DPF3: variants seen among roughly 807,000 people sequenced by gnomAD.
DPF3 encodes zinc finger protein DPF3.
Under a neutral mutation model 56.8 loss-of-function variants are expected in DPF3, and 18 were observed. The ratio of observed to expected loss-of-function variants is 0.32; its 90% CI spans 0.22 to 0.47. The LOEUF is 0.47. DPF3 is among the 20% of genes least tolerant of loss of function. The pLI, the probability that DPF3 is intolerant of heterozygous loss-of-function variation, is 1.00. For missense variants in DPF3, 403 were observed against 488.8 expected (o/e 0.82, Z 1.65); for synonymous variants, 188 against 180.2 (o/e 1.04, Z -0.35).
chr14:72,690,326 A>C (rs1887618748), intron 7 of DPF3, among the ~76,000 whole-genome samples: 1 of 152,164 alleles, frequency 6.6e-6, no homozygotes, highest in Non-Finnish European at 1.5e-5. Context: ...TCAGAAGTCA[A>C]CCAACCCTGA....
chr14:72,669,976 G>C (rs531319923), intron 8 of DPF3: 2 of 985,878 alleles, frequency 2.0e-6, no homozygotes, highest in East Asian at 2.3e-4. Flanking sequence ...CTCGCAGCCG[G>C]TCATTCTTGG....
intron 7 of DPF3, among the ~76,000 whole-genome samples, chr14:72,686,196 C>G (rs1402477664): frequency 6.6e-6 from 1 of 152,224 alleles, no homozygotes; most frequent in Non-Finnish European, 1.5e-5. Context: ...ATGCCAATGA[C>G]ACCCCACAGG....
At chr14:72,756,859 A>AGAAAGAAG (rs1890824687) in intron 2 of DPF3, among the ~76,000 whole-genome samples, 1 of 116,478 alleles carries the variant, frequency 8.6e-6, no homozygotes, top group Admixed American at 8.6e-5. Flanking sequence ...AAAGAAAGAA[A>AGAAAGAAG]GAAAGAAAGA....
intron 1 of DPF3, among the ~76,000 whole-genome samples, chr14:72,794,653 T>A (rs1236185668): frequency 1.3e-5 from 2 of 152,178 alleles, no homozygotes; most frequent in Non-Finnish European, 2.9e-5. Flanking sequence ...GTTGGAACTT[T>A]GGGATATTCC....
rs1181208458 is a variant in DPF3, at chr14:72,618,504, G to A, written c.*793C>T. ...TAGGCCATGACTGGTCTCACCTAAAGGATGCCCCAGCTCTGAAGGTCAAGG... is the reference window on the plus strand; with the variant it reads ...TAGGCCATGACTGGTCTCACCTAAAAGATGCCCCAGCTCTGAAGGTCAAGG... On this transcript the variant is annotated 3_prime_UTR_variant, in exon 11 of 11. Transcript: ENST00000556509. 6.6e-6 allele frequency among the ~76,000 whole-genome samples: 1 copy of A among 152,188 alleles called. No individual in the cohort carries two copies. The highest frequency in any genetic ancestry group is 1.5e-5 in the Non-Finnish European group (1 of 68,026).
chr14:72,630,543 C>G (rs1731430659), intron 8 of DPF3, among the ~76,000 whole-genome samples: 1 of 152,210 alleles, frequency 6.6e-6, no homozygotes. Flanking sequence ...GCCTGTGGAA[C>G]TGGACTCTGT....
At position 72,724,275 on chromosome 14, in the gene DPF3, G is replaced by A. The variant is rs1280797806; in HGVS notation, c.430-547C>T. 2.0e-5 allele frequency among the ~76,000 whole-genome samples: 3 copies of A among 147,748 alleles called. No individual in the cohort carries two copies. In the East Asian group the frequency reaches 5.9e-4, roughly 29 times the overall value. On this transcript the variant is annotated intron_variant, in intron 4 of 10. Transcript: ENST00000556509. Reference sequence around the variant, plus strand: ...AAAAATAGACTTTCATTTAGTACCCGACTTGTCATGGAGCTTAAAGATAAT... The same window carrying A: ...AAAAATAGACTTTCATTTAGTACCCAACTTGTCATGGAGCTTAAAGATAAT...
chr14:72,665,768 G>A (rs1886417501), intron 8 of DPF3, among the ~76,000 whole-genome samples: 1 of 152,208 alleles, frequency 6.6e-6, no homozygotes, highest in East Asian at 1.9e-4. Flanking sequence ...AAGGTCTGTA[G>A]GTTATAGCAT....
intron 1 of DPF3, among the ~76,000 whole-genome samples, chr14:72,842,420 C>G (rs1241164812): frequency 6.6e-6 from 1 of 152,222 alleles, no homozygotes; most frequent in African/African-American, 2.4e-5. Context: ...TCTACAACCA[C>G]AGCCAACGCT....
At chr14:72,619,711 A>G (rs1390974121) in intron 10 of DPF3, among the ~76,000 whole-genome samples, 192 bp downstream of exon 10, 2 of 152,172 alleles carry the variant, frequency 1.3e-5, no homozygotes, top group Non-Finnish European at 2.9e-5. Context: ...AGCTGCTTGG[A>G]CTGTGCCTCA....
rs1173136078 is a variant in DPF3 at position 72,613,776 on chromosome 14, A to C, written c.*5521T>G. 6.6e-6 allele frequency among the ~76,000 whole-genome samples: 1 copy of C among 152,164 alleles called. No homozygotes were observed. The highest frequency in any genetic ancestry group is 1.5e-5 in the Non-Finnish European group (1 of 68,024). On this transcript the variant is annotated 3_prime_UTR_variant, in exon 11 of 11. Coordinates refer to ENST00000556509, the MANE Select transcript of DPF3 (RefSeq NM_001280542.3). ...CCCCTCCTCCTCAGAGTTTCCTGAC[A>C]GCTCTTCCTTTGGGCCTCTCTTCTA...
chr14:72,653,351 C>A (rs1885971089), intron 8 of DPF3, among the ~76,000 whole-genome samples: 1 of 152,224 alleles, frequency 6.6e-6, no homozygotes, highest in Admixed American at 6.5e-5. Context: ...CCCCTGACTC[C>A]CAGTGCACAC....
chr14:72,794,387 C>A (rs1442405030), intron 1 of DPF3, among the ~76,000 whole-genome samples: 1 of 152,170 alleles, frequency 6.6e-6, no homozygotes, highest in East Asian at 1.9e-4. Flanking sequence ...TGAGCAGAAG[C>A]AGAATGCATG....
At chr14:72,797,079 G>C (rs933679781) in intron 1 of DPF3, among the ~76,000 whole-genome samples, 1 of 152,196 alleles carries the variant, frequency 6.6e-6, no homozygotes, top group Non-Finnish European at 1.5e-5. Flanking sequence ...GAATACAGTG[G>C]AAGTTAGATT....
intron 8 of DPF3, among the ~76,000 whole-genome samples, chr14:72,647,554 T>G: frequency 6.6e-6 from 1 of 152,198 alleles, no homozygotes; most frequent in East Asian, 1.9e-4. Flanking sequence ...CTTTGTAGGA[T>G]TAAAAACAAA....
At chr14:72,743,041 T>C (rs868090848) in intron 3 of DPF3, among the ~76,000 whole-genome samples, 2 of 152,300 alleles carry the variant, frequency 1.3e-5, no homozygotes, top group Middle Eastern at 3.4e-3. Flanking sequence ...CCCTCTTGTC[T>C]GAGTTTCCCC....
chr14:72,708,535 C>T (rs1599374270), intron 6 of DPF3, among the ~76,000 whole-genome samples: 1 of 152,346 alleles, frequency 6.6e-6, no homozygotes, highest in East Asian at 1.9e-4. Flanking sequence ...TTTTCCACTG[C>T]AGCTTGAAGC....
intron 8 of DPF3, among the ~76,000 whole-genome samples, chr14:72,645,447 A>G (rs1161114960): frequency 1.8e-4 from 28 of 152,026 alleles, no homozygotes; most frequent in Admixed American, 1.6e-3. Context: ...TGCCTCCCCC[A>G]GTAGCTGGGA....
At chr14:72,729,657 A>T (rs1481914882) in intron 4 of DPF3, among the ~76,000 whole-genome samples, 1 of 152,230 alleles carries the variant, frequency 6.6e-6, no homozygotes, top group Non-Finnish European at 1.5e-5. Flanking sequence ...ATGTTACTAA[A>T]TCAGAGAAGC....
Sources: gnomAD v4.1 joint callset for allele counts (sites outside exome capture counted in the v4.1 genomes callset) on GRCh38, gnomAD v4.1.1 for gene constraint, MANE v1.5 for transcripts, NCBI Gene and HGNC (gene_info 2026-07-23, HGNC 2026-07-21) for gene names.